The following FNDC8 variants were observed in gnomAD, a reference collection of about 807,000 sequenced individuals.
FNDC8 encodes fibronectin type III domain-containing protein 8.
FNDC8 carries 23 observed loss-of-function variants against 24.8 expected under a neutral mutation model. That is an observed-to-expected ratio of 0.93 (90% CI 0.67 to 1.31). The LOEUF is 1.31. Among genes scored for constraint, FNDC8 ranks in the 40% most tolerant of loss-of-function variants. The probability of loss-of-function intolerance (pLI) is 0.00; values close to 1 mark genes in which losing one functional copy is unlikely to be tolerated. For synonymous variants in FNDC8, 158 were observed against 165.3 expected (o/e 0.96, Z 0.34); for missense variants, 371 against 398.2 (o/e 0.93, Z 0.58).
intron 2 of FNDC8, 53 bp downstream of exon 2, chr17:35,127,470 A>G: frequency 6.7e-7 from 1 of 1,494,422 alleles, no homozygotes. Flanking sequence ...CCAGGCACTG[A>G]GCTGAGCTCC....
chr17:35,121,662 C>T lies in FNDC8; in HGVS notation c.-32C>T. The T allele has an allele frequency of 1.2e-6, 2 of 1,607,034 alleles. No individual in the cohort carries two copies. Among genetic ancestry groups the T allele is most frequent in the East Asian group, 4.5e-5 (2 of 44,826 alleles). ...GCTTCTGGTCAGCTGGGTTGTCCTG[C>T]ATGGTGACGGGTGTCATCCCGAACA... On this transcript the variant is annotated 5_prime_UTR_variant, in exon 1 of 4. Transcript: ENST00000158009.
At chr17:35,129,701 C>T (rs1255967314) in intron 3 of FNDC8, 43 bp downstream of exon 3, 2 of 1,596,356 alleles carry the variant, frequency 1.3e-6, no homozygotes, top group South Asian at 1.1e-5. Context: ...GGAGAGAAGT[C>T]CAAAGCCAGG....
rs1485586150 is a variant in FNDC8 at position 35,127,124 on chromosome 17, A to G, written c.292A>G (p.Ile98Val). Residue 98 changes from isoleucine to valine, a missense_variant, in exon 2 of 4, where the codon ATC (isoleucine) becomes GTC (valine). Ile to Val is a conservative substitution (Grantham distance 29). Coordinates refer to ENST00000158009, the MANE Select transcript of FNDC8 (RefSeq NM_017559.4). ...CTTCTCATCCACCTTGCTGAACCCC[A>G]TCAAATTAGCTGTGACCCAGCCCAA... ...SAFSSTLLNPIKLAVTQPNSS... is the reference protein window; with the variant it reads ...SAFSSTLLNPVKLAVTQPNSS... 1.2e-6 allele frequency: 2 copies of G among 1,614,166 alleles called. No homozygotes were observed. Among genetic ancestry groups the G allele is most frequent in the East Asian group, 2.2e-5 (1 of 44,886 alleles).
At position 35,130,689 on chromosome 17, in the gene FNDC8, G is replaced by A. The variant is rs2091871786; in HGVS notation, c.*255G>A. The A allele has an allele frequency of 4.0e-6, 2 of 496,672 alleles. No homozygotes were observed. Among genetic ancestry groups the A allele is most frequent in the Non-Finnish European group, 7.2e-6 (2 of 276,828 alleles). The allele number at this position is 496,672 out of a possible 1,614,324, so 30.8% of individuals were successfully genotyped here. On this transcript the variant is annotated 3_prime_UTR_variant, in exon 4 of 4. Coordinates refer to ENST00000158009, the MANE Select transcript of FNDC8 (RefSeq NM_017559.4). ...AGACTCCCTCCTCCTCCAAATCTGG[G>A]CTGGGTCTAGGTCCCTCATTAAAGA...
intron 2 of FNDC8, among the ~76,000 whole-genome samples, chr17:35,127,679 A>G (rs1381504016): frequency 2.0e-5 from 3 of 152,242 alleles, no homozygotes; most frequent in Non-Finnish European, 2.9e-5. Flanking sequence ...GGCTTTTGGT[A>G]ACATCTGAGC....
chr17:35,121,941 CCCTCCCTTCCTT>C (rs748865749), intron 1 of FNDC8, 39 bp downstream of exon 1: 20 of 1,381,576 alleles, frequency 1.4e-5, no homozygotes, highest in Middle Eastern at 1.8e-4. Context: ...CTCCCTCCCT[CCCTCCCTTCCTT>C]CCTCCCTTCC....
Position 35,129,604 on chromosome 17 carries a change from C to A in FNDC8, c.768C>A (p.Leu256=), listed in dbSNP as rs749153121. The A allele has an allele frequency of 6.2e-7, 1 of 1,614,046 alleles. No homozygotes were observed. The highest frequency in any genetic ancestry group is 1.7e-5 in the Admixed American group (1 of 60,008). The change falls in exon 3 of 4, where the codon CTC becomes CTA. Residue 256 remains leucine, a synonymous_variant. Transcript: ENST00000158009. The part of the protein sequence containing the change: ...MELKPNTCYC[L]SVRAANTAGV... ...TAAAGCCTAACACGTGTTACTGCCT[C>A]AGTGTCCGTGCAGCCAACACAGCTG...
chr17:35,127,542 G>C, intron 2 of FNDC8, 125 bp downstream of exon 2: 2 of 1,189,664 alleles, frequency 1.7e-6, no homozygotes, highest in Non-Finnish European at 2.3e-6. Context: ...TTTAGGAAGG[G>C]AGAGGATGTG....
chr17:35,121,751 GA>G lies in FNDC8; in HGVS notation c.62del (p.Asn21ThrfsTer4). 1.9e-6 allele frequency: 3 copies of G among 1,613,828 alleles called. No individual in the cohort carries two copies. The highest frequency in any genetic ancestry group is 2.5e-6 in the Non-Finnish European group (3 of 1,179,846). On this transcript the variant is annotated frameshift_variant, in exon 1 of 4. Coordinates refer to ENST00000158009, the MANE Select transcript of FNDC8 (RefSeq NM_017559.4). LOFTEE classifies it high-confidence loss of function. ...TGGGGAGGAGGCTGTACTGAAGAAA[GA>G]AAACTTCAACATGATGAATGCCCTT... ...GDGEEAVLKK[E>X]NFNMMNALDQ...
chr17:35,126,446 C>T (rs1289437361), intron 1 of FNDC8, among the ~76,000 whole-genome samples: 3 of 150,076 alleles, frequency 2.0e-5, no homozygotes, highest in Non-Finnish European at 4.4e-5. Flanking sequence ...GCCATTTTAG[C>T]ATGTTTTTTA....
chr17:35,127,179 G>T lies in FNDC8; in HGVS notation c.347G>T (p.Gly116Val), dbSNP rs147725468. The T allele has an allele frequency of 1.1e-3, 1,717 of 1,614,198 alleles. 3 individuals carry two copies. The highest frequency in any genetic ancestry group is 1.1e-3 in the Non-Finnish European group (1,323 of 1,180,036). The change falls in exon 2 of 4, where the codon GGG becomes GTG. Residue 116 changes from glycine (G) to valine (V), a missense_variant. By Grantham distance (109) the Gly-to-Val change is moderately radical (BLOSUM62 -3). Transcript: ENST00000158009. ...AGCTTCTTTGCAGGGATGCTGGAGGGGGAGCTGAACAAACTCAGCTTCTCC... is the reference window on the plus strand; with the variant it reads ...AGCTTCTTTGCAGGGATGCTGGAGGTGGAGCTGAACAAACTCAGCTTCTCC... ...NSSFFAGMLE[G>V]ELNKLSFSPM...
In FNDC8 at chr17:35,127,120, C is replaced by G. The variant is rs564207748; in HGVS notation, c.288C>G (p.Asn96Lys). Residue 96 changes from asparagine (N) to lysine (K), a missense_variant, in exon 2 of 4, where the codon AAC (asparagine) becomes AAG (lysine). Physicochemically the swap from Asn to Lys is moderately conservative, Grantham distance 94. Coordinates refer to ENST00000158009, the MANE Select transcript of FNDC8 (RefSeq NM_017559.4). ...CTGCCTTCTCATCCACCTTGCTGAA[C>G]CCCATCAAATTAGCTGTGACCCAGC... ...SISAFSSTLL[N>K]PIKLAVTQPN... The G allele has an allele frequency of 6.2e-7, 1 of 1,614,186 alleles. No individual in the cohort carries two copies. Among genetic ancestry groups the G allele is most frequent in the South Asian group, 1.1e-5 (1 of 91,072 alleles).
In FNDC8 at chr17:35,130,505, GAGACC is replaced by G; in HGVS notation, c.*72_*76del. On this transcript the variant is annotated 3_prime_UTR_variant, in exon 4 of 4. Transcript: ENST00000158009. Reference sequence around the variant, plus strand: ...CCAGGCCCTCAGAAACCAGAGCCATGAGACCTACCATACCACCAGCACCCTGCGGG... The same window carrying G: ...CCAGGCCCTCAGAAACCAGAGCCATGTACCATACCACCAGCACCCTGCGGG... 1 of 1,502,966 alleles carries G rather than the reference GAGACC, an allele frequency of 6.7e-7. No homozygotes were observed. The highest frequency in any genetic ancestry group is 9.1e-7 in the Non-Finnish European group (1 of 1,101,536). The allele number at this position is 1,502,966 out of a possible 1,614,324, so 93.1% of individuals were successfully genotyped here. A position where few individuals can be genotyped will look rare whatever the true frequency, so the allele number is the denominator to read the frequency against.
At chr17:35,129,948 G>A in intron 3 of FNDC8, 1 of 1,373,900 alleles carries the variant, frequency 7.3e-7, no homozygotes, top group South Asian at 1.7e-5. Flanking sequence ...GCCCATGATT[G>A]TGAGTAGGCT....
Position 35,130,683 on chromosome 17 carries a change from A to C in FNDC8, c.*249A>C. Reference sequence around the variant, plus strand: ...GCTGCTAGACTCCCTCCTCCTCCAAATCTGGGCTGGGTCTAGGTCCCTCAT... The same window carrying C: ...GCTGCTAGACTCCCTCCTCCTCCAACTCTGGGCTGGGTCTAGGTCCCTCAT... On this transcript the variant is annotated 3_prime_UTR_variant, in exon 4 of 4. Transcript: ENST00000158009. 12 of 493,852 alleles carry C rather than the reference A, an allele frequency of 2.4e-5. No homozygotes were observed. The highest frequency in any genetic ancestry group is 3.5e-5 in the East Asian group (1 of 28,402). 30.6% of individuals were successfully genotyped at this position (493,852 alleles called of 1,614,324 possible).
At chr17:35,130,171 C>T in intron 3 of FNDC8, 111 bp from the exon 4 acceptor site, 1 of 1,488,200 alleles carries the variant, frequency 6.7e-7, no homozygotes, top group Middle Eastern at 1.8e-4. Context: ...TTGGATAAGG[C>T]TGTTTAAGGT....
Position 35,130,615 on chromosome 17 carries a change from G to A in FNDC8, c.*181G>A. On this transcript the variant is annotated 3_prime_UTR_variant, in exon 4 of 4. Coordinates refer to ENST00000158009, the MANE Select transcript of FNDC8 (RefSeq NM_017559.4). ...TACATAGGGGCCCCATTCACCTGGA[G>A]GCATCTCAGGCCAGGCCATGCCAGG... 1 of 620,186 alleles carries A rather than the reference G, an allele frequency of 1.6e-6. No homozygotes were observed. Among genetic ancestry groups the A allele is most frequent in the Non-Finnish European group, 2.8e-6 (1 of 360,614 alleles). 38.4% of individuals were successfully genotyped at this position (620,186 alleles called of 1,614,324 possible).
intron 3 of FNDC8, chr17:35,130,067 T>G (rs2091867198): frequency 2.8e-6 from 4 of 1,414,304 alleles, no homozygotes; most frequent in Non-Finnish European, 3.7e-6. Context: ...GAGGCCTGAG[T>G]ACAGACAGCC....
intron 1 of FNDC8, among the ~76,000 whole-genome samples, chr17:35,124,109 A>G (rs1047701715): frequency 6.6e-5 from 10 of 152,082 alleles, no homozygotes; most frequent in Non-Finnish European, 1.2e-4. Flanking sequence ...GAACCTGGGG[A>G]GGAAAAACTT....
Sources: allele counts gnomAD v4.1 joint callset (sites outside exome capture counted in the v4.1 genomes callset), GRCh38; gene constraint gnomAD v4.1.1; transcripts MANE v1.5; gene names NCBI Gene and HGNC (gene_info 2026-07-23, HGNC 2026-07-21).